MOK: variants seen among roughly 807,000 people sequenced by gnomAD.
The protein encoded by MOK is MAPK/MAK/MRK overlapping kinase.
In MOK, 59 loss-of-function variants were observed where a neutral mutation model predicts 54.2. The observed-to-expected ratio is 1.09, with a 90% CI of 0.88 to 1.35. The LOEUF (loss-of-function observed/expected upper bound fraction) is 1.35, where lower values mean the gene tolerates loss of function less well. Among genes scored for constraint, MOK ranks in the 40% most tolerant of loss-of-function variants. The probability of loss-of-function intolerance (pLI) is 0.00; values close to 1 mark genes in which losing one functional copy is unlikely to be tolerated. For synonymous variants in MOK, 210 were observed against 202.7 expected (o/e 1.04, Z -0.31); for missense variants, 517 against 526.2 (o/e 0.98, Z 0.17).
At chr14:102,291,198 A>G (rs1421794851) in intron 1 of MOK, among the ~76,000 whole-genome samples, 1 of 152,166 alleles carries the variant, frequency 6.6e-6, no homozygotes, top group African/African-American at 2.4e-5. Flanking sequence ...TTGCTTGACA[A>G]CTATAGCTTA....
In MOK at chr14:102,230,798, T is replaced by C. The variant is rs907707585; in HGVS notation, c.981+909A>G. The C allele has an allele frequency of 6.6e-6, 1 of 152,366 alleles. No homozygotes were observed. The highest frequency in any genetic ancestry group is 2.4e-5 in the African/African-American group (1 of 41,446). 9.4% of individuals were successfully genotyped at this position (152,366 alleles called of 1,614,324 possible). Reference sequence around the variant, plus strand: ...GGGGGGCCTGGGCAGTTGACGGAGTTGCCTCCCTCGGAGGGAAGGCCATGG... The same window carrying C: ...GGGGGGCCTGGGCAGTTGACGGAGTCGCCTCCCTCGGAGGGAAGGCCATGG... On this transcript the variant is annotated intron_variant, in intron 10 of 11. Transcript: ENST00000361847. The surrounding 1 kb of genome is among the most constrained non-coding windows in gnomAD (Gnocchi z 4.1).
Position 102,229,273 on chromosome 14 carries a change from C to G in MOK, c.*16G>C, listed in dbSNP as rs1461230559. ...CTTGGTGTTGCCTCCGAAGTCGAGA[C>G]GACGGTGCTGCTCAGTTATCTTCCG... On this transcript the variant is annotated 3_prime_UTR_variant, in exon 12 of 12. Transcript: ENST00000361847. The G allele has an allele frequency of 6.3e-7, 1 of 1,575,856 alleles. No homozygotes were observed. Among genetic ancestry groups the G allele is most frequent in the African/African-American group, 1.3e-5 (1 of 74,238 alleles).
chr14:102,239,817 T>C (rs915344745), intron 7 of MOK, among the ~76,000 whole-genome samples: 6 of 152,102 alleles, frequency 3.9e-5, no homozygotes, highest in African/African-American at 1.4e-4. Flanking sequence ...TGCAGTGAGC[T>C]GAGATTGTGC....
rs760454886 is a variant in MOK, at chr14:102,297,493, G to A, written c.7+7469C>T. Among the ~76,000 whole-genome samples the A allele has an allele frequency of 7.2e-5, 11 of 152,360 alleles. No homozygotes were observed. The East Asian group carries it at 1.9e-3, about 27-fold the overall frequency. On this transcript the variant is annotated intron_variant, in intron 1 of 11. Transcript: ENST00000361847. ...GAAAATACTAGTGAGAGGTGATAGC[G>A]TGCTGGCAGCCCTTGAAGCCCTCGC...
intron 4 of MOK, among the ~76,000 whole-genome samples, 184 bp from the exon 5 acceptor site, chr14:102,252,179 T>C (rs1353963801): frequency 1.3e-5 from 2 of 152,178 alleles, no homozygotes; most frequent in African/African-American, 2.4e-5. Context: ...AAATTCCATA[T>C]ACTGGCCAGG....
In MOK at chr14:102,277,049, G is replaced by T. The variant is rs1352666677; in HGVS notation, c.122+6429C>A. 3.8e-5 allele frequency among the ~76,000 whole-genome samples: 3 copies of T among 79,912 alleles called. No individual in the cohort carries two copies. In the East Asian group the frequency reaches 9.9e-4, roughly 26 times the overall value. The allele number at this position is 79,912 out of a possible 152,430, so 52.4% of individuals were successfully genotyped here. On this transcript the variant is annotated intron_variant, in intron 2 of 11. Coordinates refer to ENST00000361847, the MANE Select transcript of MOK (RefSeq NM_014226.3). Reference sequence around the variant, plus strand: ...TTTTTTTTTGTAGAGGAAAAAAAAAGATACTAAAAGTCTTTCTTCATACGA... The same window carrying T: ...TTTTTTTTTGTAGAGGAAAAAAAAATATACTAAAAGTCTTTCTTCATACGA...
chr14:102,246,348 G>C (rs2066092947), intron 7 of MOK: 1 of 152,006 alleles, frequency 6.6e-6, no homozygotes, highest in Non-Finnish European at 1.5e-5. Flanking sequence ...TCTCTCTGTG[G>C]CTTTACTCTG....
rs2065991956 is a variant in MOK at position 102,245,118 on chromosome 14, C to T, written c.590+5694G>A. Among the ~76,000 whole-genome samples, 4 of 152,032 alleles carry T rather than the reference C, an allele frequency of 2.6e-5. No individual in the cohort carries two copies. Among genetic ancestry groups the T allele is most frequent in the African/African-American group, 4.8e-5 (2 of 41,376 alleles). Reference sequence around the variant, plus strand: ...TCTCTTATTTGGACCTTGTGTCTTCCGTTTAGCTCTCAATTCATAAAAAAA... The same window carrying T: ...TCTCTTATTTGGACCTTGTGTCTTCTGTTTAGCTCTCAATTCATAAAAAAA... On this transcript the variant is annotated intron_variant, in intron 7 of 11. Transcript: ENST00000361847. This position sits in a 1 kb window ranked among gnomAD's most constrained non-coding sequence, Gnocchi z 4.3.
At chr14:102,260,455 G>A (rs1036542164) in intron 4 of MOK, 1 of 152,134 alleles carries the variant, frequency 6.6e-6, no homozygotes, top group Non-Finnish European at 1.5e-5. Flanking sequence ...TACCATTCAT[G>A]AACTGTTAGC....
rs2066032294 is a variant in MOK at position 102,245,616 on chromosome 14, A to G, written c.590+5196T>C. Among the ~76,000 whole-genome samples the G allele has an allele frequency of 6.6e-6, 1 of 150,960 alleles. No homozygotes were observed. Among genetic ancestry groups the G allele is most frequent in the Non-Finnish European group, 1.5e-5 (1 of 67,738 alleles). The stretch of plus-strand genomic sequence containing the variant: ...CAACCCCCTTTGACTGTAATTTTCC[A>G]CTACCTACCCAAATCCTCTACAACG... On this transcript the variant is annotated intron_variant, in intron 7 of 11. Transcript: ENST00000361847. This position sits in a 1 kb window ranked among gnomAD's most constrained non-coding sequence, Gnocchi z 4.3.
At chr14:102,269,148 A>G (rs1215321616) in intron 2 of MOK, among the ~76,000 whole-genome samples, 1 of 152,144 alleles carries the variant, frequency 6.6e-6, no homozygotes. Context: ...ATACATTAGG[A>G]AGCAATGACA....
downstream of MOK, chr14:102,226,518 G>A: frequency 1.4e-6 from 1 of 692,786 alleles, no homozygotes; most frequent in Non-Finnish European, 2.6e-6. This position sits in a 1 kb window ranked among gnomAD's most constrained non-coding sequence, Gnocchi z 4.8. Context: ...GCCCCGCCGG[G>A]GCCCCGGCAG....
chr14:102,253,469 A>G (rs966707117), intron 4 of MOK, among the ~76,000 whole-genome samples: 10 of 152,262 alleles, frequency 6.6e-5, no homozygotes, highest in Admixed American at 6.5e-4. Context: ...CCAGTGTTCC[A>G]CTAGGCTTTC....
rs1363202009 is a variant in MOK, at chr14:102,245,651, CT to C, written c.590+5160del. ...CAAATCCTCTACAACGGCCCCACCC[CT>C]ATCTCCCTTCGATGATTCTCTTTTC... On this transcript the variant is annotated intron_variant, in intron 7 of 11. Coordinates refer to ENST00000361847, the MANE Select transcript of MOK (RefSeq NM_014226.3). The surrounding 1 kb of genome is among the most constrained non-coding windows in gnomAD (Gnocchi z 4.3). Among the ~76,000 whole-genome samples the C allele has an allele frequency of 6.6e-6, 1 of 152,080 alleles. No individual in the cohort carries two copies. Among genetic ancestry groups the C allele is most frequent in the Non-Finnish European group, 1.5e-5 (1 of 68,028 alleles).
At chr14:102,226,531 G>C (rs1597208359), downstream of MOK, 1 of 685,758 alleles carries the variant, frequency 1.5e-6, no homozygotes, top group East Asian at 2.7e-5. The surrounding 1 kb of genome is among the most constrained non-coding windows in gnomAD (Gnocchi z 4.8). Context: ...CCCGGCAGCA[G>C]GGCAAGGTGG....
intron 2 of MOK, among the ~76,000 whole-genome samples, chr14:102,268,049 A>G (rs1478365033): frequency 6.6e-6 from 1 of 152,212 alleles, no homozygotes; most frequent in East Asian, 1.9e-4. Flanking sequence ...ACAAGCTAGC[A>G]GTAGTTCCAA....
At chr14:102,270,128 G>T (rs2068236322) in intron 2 of MOK, among the ~76,000 whole-genome samples, 1 of 152,132 alleles carries the variant, frequency 6.6e-6, no homozygotes, top group Non-Finnish European at 1.5e-5. Context: ...AAGTTATCTA[G>T]AAAAGTCTCA....
At chr14:102,264,866 G>A (rs573241539) in intron 3 of MOK, among the ~76,000 whole-genome samples, 5 of 152,300 alleles carry the variant, frequency 3.3e-5, no homozygotes, top group African/African-American at 1.2e-4. Flanking sequence ...CTACACTGAG[G>A]TGCACCCTCT....
At chr14:102,261,378 C>A (rs2067383769) in intron 4 of MOK, among the ~76,000 whole-genome samples, 1 of 74,490 alleles carries the variant, frequency 1.3e-5, no homozygotes, top group African/African-American at 5.5e-5. Context: ...GAGATCGCGC[C>A]ACGTCTCAAA....
Sources: gnomAD v4.1 joint callset for allele counts (sites outside exome capture counted in the v4.1 genomes callset) on GRCh38, gnomAD v4.1.1 for gene constraint, Gnocchi (gnomAD v3.1) non-coding constraint, MANE v1.5 for transcripts, NCBI Gene and HGNC (gene_info 2026-07-23, HGNC 2026-07-21) for gene names.